The following PCDHA1 variants were observed in gnomAD, a reference collection of about 807,000 sequenced individuals.
PCDHA1 encodes protocadherin alpha-1.
Under a neutral mutation model 61.3 loss-of-function variants are expected in PCDHA1, and 42 were observed. That is an observed-to-expected ratio of 0.69 (90% CI 0.54 to 0.89). The LOEUF is 0.89. Ranked by LOEUF, PCDHA1 falls within the 40% of genes least tolerant of loss-of-function variation. The pLI, the probability that PCDHA1 is intolerant of heterozygous loss-of-function variation, is 0.00. For missense variants in PCDHA1, 1,256 were observed against 1,235.3 expected (o/e 1.02, Z -0.25); for synonymous variants, 610 against 553.8 (o/e 1.10, Z -1.43).
At chr5:141,007,199 G>A (rs561958637) in intron 3 of PCDHA1, among the ~76,000 whole-genome samples, 3 of 152,036 alleles carry the variant, frequency 2.0e-5, no homozygotes, top group African/African-American at 7.2e-5. Flanking sequence ...TGATGGTGGG[G>A]GCCAGAATAT....
At chr5:140,962,665 C>G (rs1457197885) in intron 1 of PCDHA1, among the ~76,000 whole-genome samples, 1 of 152,146 alleles carries the variant, frequency 6.6e-6, no homozygotes, top group African/African-American at 2.4e-5. Context: ...TTTTCATCTT[C>G]CCATCCACTG....
rs2150123855 is a variant in PCDHA1 at position 140,823,236 on chromosome 5, C to G, written c.2394+34552C>G. 4,287 of 1,613,532 alleles carry G rather than the reference C, an allele frequency of 2.7e-3. 77 individuals are homozygous for G. The African/African-American group carries it at 0.049, about 19-fold the overall frequency. On this transcript the variant is annotated intron_variant, in intron 1 of 3. Coordinates refer to ENST00000504120, the MANE Select transcript of PCDHA1 (RefSeq NM_018900.4). ...GGGACGCGGACGCGCAGGAGAACGC[C>G]CTGGTGTCCTACTCGCTGGTGGAGC...
intron 1 of PCDHA1, among the ~76,000 whole-genome samples, chr5:140,890,244 C>T (rs1404459938): frequency 6.6e-6 from 1 of 152,052 alleles, no homozygotes; most frequent in Non-Finnish European, 1.5e-5. Flanking sequence ...TTTACCAGTA[C>T]ACTACTGCAC....
intron 1 of PCDHA1, chr5:140,823,390 G>C: frequency 1.9e-6 from 3 of 1,612,906 alleles, no homozygotes; most frequent in Non-Finnish European, 2.5e-6. Context: ...CGCGCGCGAC[G>C]CGGGCGTGCC....
rs145763112 is a variant in PCDHA1, at chr5:140,835,616, C to A, written c.2394+46932C>A. The A allele has an allele frequency of 2.0e-5, 32 of 1,613,766 alleles. No homozygotes were observed. The highest frequency in any genetic ancestry group is 8.3e-5 in the Admixed American group (5 of 59,990). On this transcript the variant is annotated intron_variant, in intron 1 of 3. Transcript: ENST00000504120. ...ATTACTATTCATTGGTGCTGGACAGCGCTCTGGACCGCGAGAGTGTGTCCG... is the reference window on the plus strand; with the variant it reads ...ATTACTATTCATTGGTGCTGGACAGAGCTCTGGACCGCGAGAGTGTGTCCG...
rs1180805331 is a variant in PCDHA1 at position 140,853,371 on chromosome 5, G to C, written c.2394+64687G>C. On this transcript the variant is annotated intron_variant, in intron 1 of 3. Coordinates refer to ENST00000504120, the MANE Select transcript of PCDHA1 (RefSeq NM_018900.4). ...ATGAACTCACAGGGATCCAGAGATGGTAAAATTCAAAACAGCCTGTCAAGT... is the reference window on the plus strand; with the variant it reads ...ATGAACTCACAGGGATCCAGAGATGCTAAAATTCAAAACAGCCTGTCAAGT... 3.0e-6 allele frequency: 3 copies of C among 983,910 alleles called. No homozygotes were observed. In the African/African-American group the frequency reaches 5.3e-5, roughly 17 times the overall value. The allele number at this position is 983,910 out of a possible 1,614,324, so 60.9% of individuals were successfully genotyped here.
At chr5:140,852,926 T>A in intron 1 of PCDHA1, 3 of 649,848 alleles carry the variant, frequency 4.6e-6, no homozygotes, top group Non-Finnish European at 5.9e-6. Flanking sequence ...TTGCCCAGGC[T>A]GGAGTGCAGT....
At chr5:140,858,133 C>A in intron 1 of PCDHA1, 2 of 1,597,688 alleles carry the variant, frequency 1.3e-6, no homozygotes, top group Non-Finnish European at 1.7e-6. Context: ...TGGATGTCAA[C>A]GTGTACCTGA....
chr5:140,870,880 G>A (rs782304708), intron 1 of PCDHA1: 1 of 1,613,948 alleles, frequency 6.2e-7, no homozygotes, highest in African/African-American at 1.3e-5. Flanking sequence ...GGTGGCGAAG[G>A]TGCGCGCAGT....
At chr5:140,929,357 G>A (rs1554207016) in intron 1 of PCDHA1, 14 of 1,523,448 alleles carry the variant, frequency 9.2e-6, no homozygotes, top group Non-Finnish European at 1.2e-5. Flanking sequence ...TGATTCCTTT[G>A]GCCCGGAGAT....
chr5:140,862,236 A>G (rs2047269421), intron 1 of PCDHA1: 1 of 213,620 alleles, frequency 4.7e-6, no homozygotes, highest in African/African-American at 2.3e-5. Context: ...CTTGGACATC[A>G]ATGATAGTGT....
intron 1 of PCDHA1, among the ~76,000 whole-genome samples, chr5:140,806,566 A>AT (rs1427431538): frequency 5.3e-5 from 8 of 152,202 alleles, no homozygotes; most frequent in African/African-American, 1.9e-4. Context: ...TTCCCTGTCA[A>AT]TAGCTTGTTC....
In PCDHA1 at chr5:140,787,228, CA is replaced by C. The variant is rs1475562745; in HGVS notation, c.942del (p.Lys314AsnfsTer7). The C allele has an allele frequency of 6.2e-7, 1 of 1,614,128 alleles. No individual in the cohort carries two copies. Among genetic ancestry groups the C allele is most frequent in the Non-Finnish European group, 8.5e-7 (1 of 1,180,016 alleles). On this transcript the variant is annotated frameshift_variant, in exon 1 of 4. Coordinates refer to ENST00000504120, the MANE Select transcript of PCDHA1 (RefSeq NM_018900.4). LOFTEE classifies it high-confidence loss of function. Reference protein sequence around the residue: ...RLIDKLDYEETKSYEIQVKAV... With the variant: ...RLIDKLDYEEXKSYEIQVKAV... ...ATTGATAAACTGGATTATGAAGAAACAAAATCCTACGAAATTCAAGTAAAGG... is the reference window on the plus strand; with the variant it reads ...ATTGATAAACTGGATTATGAAGAAACAAATCCTACGAAATTCAAGTAAAGG...
At chr5:140,863,966 A>G (rs1411552186) in intron 1 of PCDHA1, 1 of 154,822 alleles carries the variant, frequency 6.5e-6, no homozygotes, top group Non-Finnish European at 1.4e-5. Context: ...AGGCCACTGC[A>G]CTACAGCCTG....
rs1263646925 is a variant in PCDHA1 at position 140,846,355 on chromosome 5, C to T, written c.2394+57671C>T. Among the ~76,000 whole-genome samples, 7 of 133,762 alleles carry T rather than the reference C, an allele frequency of 5.2e-5. 1 individual carries two copies. The highest frequency in any genetic ancestry group is 8.2e-5 in the Non-Finnish European group (5 of 61,048). The allele number at this position is 133,762 out of a possible 152,430, so 87.8% of individuals were successfully genotyped here. A position where few individuals can be genotyped will look rare whatever the true frequency, so the allele number is the denominator to read the frequency against. The stretch of plus-strand genomic sequence containing the variant: ...CCTTTTAAAGTGCTTTCTCTTTTTT[C>T]TTTTCTTTTCTTTCTTTCTTTTTTT... On this transcript the variant is annotated intron_variant, in intron 1 of 3. Transcript: ENST00000504120.
At chr5:140,797,948 G>C (rs933201790) in intron 1 of PCDHA1, among the ~76,000 whole-genome samples, 18 of 152,160 alleles carry the variant, frequency 1.2e-4, no homozygotes, top group African/African-American at 4.1e-4. Flanking sequence ...TGCCACCCGG[G>C]TTCAAGTGAT....
rs1780817740 is a variant in PCDHA1 at position 140,847,024 on chromosome 5, AAG to A, written c.2394+58344_2394+58345del. Among the ~76,000 whole-genome samples, 2 of 149,770 alleles carry A rather than the reference AAG, an allele frequency of 1.3e-5. 1 individual carries two copies. Among genetic ancestry groups the A allele is most frequent in the Non-Finnish European group, 3.0e-5 (2 of 66,958 alleles). The stretch of plus-strand genomic sequence containing the variant: ...TTGAGAATGATAGACATTTCTTGGA[AAG>A]AGAAAACATAAGGAAAGTTGAAGAC... On this transcript the variant is annotated intron_variant, in intron 1 of 3. Coordinates refer to ENST00000504120, the MANE Select transcript of PCDHA1 (RefSeq NM_018900.4).
In PCDHA1 at chr5:140,875,548, G is replaced by A. The variant is rs782463775; in HGVS notation, c.2394+86864G>A. On this transcript the variant is annotated intron_variant, in intron 1 of 3. Coordinates refer to ENST00000504120, the MANE Select transcript of PCDHA1 (RefSeq NM_018900.4). ...GCTTCTGCTCCTTGCAGCCTGGGAG[G>A]TGGGGAGCGGCCAGCTCCACTACTC... 24 of 1,614,054 alleles carry A rather than the reference G, an allele frequency of 1.5e-5. 1 individual carries two copies. The Admixed American group carries it at 3.5e-4, about 24-fold the overall frequency.
At position 140,918,978 on chromosome 5, in the gene PCDHA1, G is replaced by C. The variant is rs1363137172; in HGVS notation, c.2395-59971G>C. On this transcript the variant is annotated intron_variant, in intron 1 of 3. Transcript: ENST00000504120. Reference sequence around the variant, plus strand: ...ACTAAGACAGATATCGTTTAGGTTAGTTGGTTTTTAGTGTTGTTCACATCT... The same window carrying C: ...ACTAAGACAGATATCGTTTAGGTTACTTGGTTTTTAGTGTTGTTCACATCT... Among the ~76,000 whole-genome samples, 5 of 152,204 alleles carry C rather than the reference G, an allele frequency of 3.3e-5. No homozygotes were observed. In the South Asian group the frequency reaches 8.3e-4, roughly 25 times the overall value.
Sources: gnomAD v4.1 joint callset for allele counts (sites outside exome capture counted in the v4.1 genomes callset) on GRCh38, gnomAD v4.1.1 for gene constraint, MANE v1.5 for transcripts, NCBI Gene and HGNC (gene_info 2026-07-23, HGNC 2026-07-21) for gene names.